The following PKHD1 variants were observed in gnomAD, a reference collection of about 807,000 sequenced individuals.
PKHD1 encodes the protein fibrocystin.
A neutral mutation model predicts 412.0 loss-of-function variants in PKHD1; 291 were observed. That is an observed-to-expected ratio of 0.71 (90% CI 0.64 to 0.78). The LOEUF (loss-of-function observed/expected upper bound fraction) is 0.78. Among genes scored for constraint, PKHD1 ranks in the 30% least tolerant of loss-of-function variants. PKHD1 has a pLI of 0.00. For missense variants in PKHD1, 4,825 were observed against 4,950.7 expected (o/e 0.97, Z 0.76); for synonymous variants, 1,777 against 1,821.5 (o/e 0.98, Z 0.62).
intron 29 of PKHD1, among the ~76,000 whole-genome samples, chr6:52,028,576 A>G (rs868703501): frequency 1.7e-4 from 25 of 151,184 alleles, no homozygotes; most frequent in South Asian, 1.0e-3. Context: ...CTGTGGTGCA[A>G]TCTTGTCTCA....
chr6:51,835,769 T>G (rs1769096350), intron 51 of PKHD1, among the ~76,000 whole-genome samples: 1 of 152,218 alleles, frequency 6.6e-6, no homozygotes. Context: ...ACAGAGGAAT[T>G]AGATCATTTT....
At chr6:52,065,155 A>ATATATG (rs1554220593) in intron 12 of PKHD1, 105 bp from the exon 13 acceptor site, 7 of 106,248 alleles carry the variant, frequency 6.6e-5, no homozygotes, top group Non-Finnish European at 1.3e-4. Context: ...ATATATATAT[A>ATATATG]TATATATATA....
chr6:52,014,789 C>CATGGATGGATGGATGG (rs55884238), intron 34 of PKHD1, among the ~76,000 whole-genome samples: 36 of 142,266 alleles, frequency 2.5e-4, no homozygotes, highest in Middle Eastern at 3.5e-3. Flanking sequence ...ATGGATGGAT[C>CATGGATGGATGGATGG]ATGGATGGAT....
At chr6:52,075,406 C>G (rs1811211427) in intron 6 of PKHD1, among the ~76,000 whole-genome samples, 1 of 152,216 alleles carries the variant, frequency 6.6e-6, no homozygotes, top group Non-Finnish European at 1.5e-5. Flanking sequence ...TTAGCACACT[C>G]TTACCATTTT....
At chr6:52,040,855 A>T (rs960174563) in intron 27 of PKHD1, among the ~76,000 whole-genome samples, 1 of 152,140 alleles carries the variant, frequency 6.6e-6, no homozygotes, top group Admixed American at 6.5e-5. Context: ...TTTTTATCCT[A>T]TACACTTACC....
intron 53 of PKHD1, among the ~76,000 whole-genome samples, chr6:51,784,351 T>G (rs1237139920): frequency 6.6e-6 from 1 of 152,176 alleles, no homozygotes; most frequent in African/African-American, 2.4e-5. Flanking sequence ...TTTGTCCTGG[T>G]CCTGTTTTTT....
At chr6:51,719,170 A>C (rs1781612588) in intron 60 of PKHD1, among the ~76,000 whole-genome samples, 1 of 152,150 alleles carries the variant, frequency 6.6e-6, no homozygotes, top group South Asian at 2.1e-4. Context: ...GTGTAGTATA[A>C]TAAAGAGTGT....
chr6:52,083,571 C>A (rs1395150889), intron 2 of PKHD1, among the ~76,000 whole-genome samples: 1 of 152,148 alleles, frequency 6.6e-6, no homozygotes, highest in Non-Finnish European at 1.5e-5. Flanking sequence ...TGAATTTCTA[C>A]TTCCTTTGGA....
Position 51,894,914 on chromosome 6 carries a change from G to A in PKHD1, c.6997-7669C>T, listed in dbSNP as rs547556405. ...AATTCTCTTATTTATGCAGCTTCTC[G>A]TAAGTCTGAAATTATTTTAAAATTA... On this transcript the variant is annotated intron_variant, in intron 43 of 66. Transcript: ENST00000371117. Among the ~76,000 whole-genome samples, 19 of 152,268 alleles carry A rather than the reference G, an allele frequency of 1.2e-4. No homozygotes were observed. The East Asian group carries it at 1.5e-3, about 12-fold the overall frequency.
intron 40 of PKHD1, among the ~76,000 whole-genome samples, chr6:51,907,981 T>C (rs996218452): frequency 6.6e-6 from 1 of 152,154 alleles, no homozygotes; most frequent in Non-Finnish European, 1.5e-5. Flanking sequence ...AGGTAAAATT[T>C]GATCAAGGAA....
At position 51,857,241 on chromosome 6, in the gene PKHD1, A is replaced by T. The variant is rs188148162; in HGVS notation, c.7734-1171T>A. ...AAAAAAAAAATCAATACACATTATGACTGTTCTTCCTCCTTTGGTTTAGTT... is the reference window on the plus strand; with the variant it reads ...AAAAAAAAAATCAATACACATTATGTCTGTTCTTCCTCCTTTGGTTTAGTT... On this transcript the variant is annotated intron_variant, in intron 48 of 66. Coordinates refer to ENST00000371117, the MANE Select transcript of PKHD1 (RefSeq NM_138694.4). Among the ~76,000 whole-genome samples the T allele has an allele frequency of 1.9e-4, 29 of 152,294 alleles. No individual in the cohort carries two copies. In the East Asian group the frequency reaches 5.6e-3, roughly 29 times the overall value.
In PKHD1 at chr6:51,955,125, T is replaced by C. The variant is rs7739664; in HGVS notation, c.5908+4745A>G. 7.1e-3 allele frequency among the ~76,000 whole-genome samples: 1,082 copies of C among 152,168 alleles called. 16 individuals are homozygous for C. The highest frequency in any genetic ancestry group is 0.024 in the African/African-American group (1,011 of 41,550). Reference sequence around the variant, plus strand: ...AACTAAATCAAGGCAATATGCCTATTTCCATCCCAGCTCATTAGTATTAAT... The same window carrying C: ...AACTAAATCAAGGCAATATGCCTATCTCCATCCCAGCTCATTAGTATTAAT... On this transcript the variant is annotated intron_variant, in intron 36 of 66. Transcript: ENST00000371117.
At chr6:52,058,213 C>T in intron 16 of PKHD1, 110 bp downstream of exon 16, 1 of 962,422 alleles carries the variant, frequency 1.0e-6, no homozygotes, top group Non-Finnish European at 1.7e-6. Context: ...TCTTTGACAG[C>T]AAGGTTATAA....
Position 51,867,852 on chromosome 6 carries a change from A to C in PKHD1, c.7733+11T>G. On this transcript the variant is annotated intron_variant, in intron 48 of 66. Coordinates refer to ENST00000371117, the MANE Select transcript of PKHD1 (RefSeq NM_138694.4). ...ATCGGCAAGCTAAAAAGTATAGTTA[A>C]TTCCACTTACAAACCAATAGACATA... The C allele has an allele frequency of 6.2e-7, 1 of 1,612,402 alleles. No homozygotes were observed. The highest frequency in any genetic ancestry group is 8.5e-7 in the Non-Finnish European group (1 of 1,178,680).
intron 52 of PKHD1, among the ~76,000 whole-genome samples, chr6:51,803,440 T>A (rs1309256614): frequency 6.6e-6 from 1 of 152,142 alleles, no homozygotes; most frequent in Admixed American, 6.6e-5. Flanking sequence ...ACAACCTCTA[T>A]CAAAAGTCCC....
chr6:51,923,026 C>G (rs1784940411), intron 37 of PKHD1, among the ~76,000 whole-genome samples: 1 of 152,166 alleles, frequency 6.6e-6, no homozygotes, highest in South Asian at 2.1e-4. Context: ...CTGCGTTGCT[C>G]ATGCTGGGAG....
At chr6:51,791,192 AAT>A (rs1562317670) in intron 53 of PKHD1, 42 bp downstream of exon 53, 1 of 1,599,484 alleles carries the variant, frequency 6.3e-7, no homozygotes, top group Admixed American at 1.7e-5. Flanking sequence ...CTTCTCACAG[AAT>A]ATAATTCTCA....
intron 60 of PKHD1, among the ~76,000 whole-genome samples, chr6:51,666,790 C>T (rs1481056038): frequency 6.7e-6 from 1 of 150,148 alleles, no homozygotes; most frequent in South Asian, 2.1e-4. Context: ...TGAGAATATG[C>T]AGTGTTTGGT....
rs976221848 is a variant in PKHD1, at chr6:51,922,338, C to T, written c.6122-9762G>A. Among the ~76,000 whole-genome samples the T allele has an allele frequency of 2.6e-5, 4 of 152,162 alleles. No individual in the cohort carries two copies. In the East Asian group the frequency reaches 5.8e-4, roughly 22 times the overall value. ...TGGAAGCTTCATCTCAGAGGGGCAC[C>T]CAGCTGTATGAGGTGTCAGCCAGCC... On this transcript the variant is annotated intron_variant, in intron 37 of 66. Transcript: ENST00000371117.
Sources: gnomAD v4.1 joint callset for allele counts (sites outside exome capture counted in the v4.1 genomes callset) on GRCh38, gnomAD v4.1.1 for gene constraint, MANE v1.5 for transcripts, NCBI Gene and HGNC (gene_info 2026-07-23, HGNC 2026-07-21) for gene names.